Variants in VPS45 observed in about 807,000 individuals in gnomAD.
VPS45 encodes the protein vacuolar protein sorting-associated protein 45.
In VPS45, 35 loss-of-function variants were observed where a neutral mutation model predicts 75.9. The ratio of observed to expected loss-of-function variants is 0.46; its 90% confidence interval spans 0.35 to 0.61. The LOEUF (loss-of-function observed/expected upper bound fraction) is 0.61, where lower values mean the gene tolerates loss of function less well. Ranked by LOEUF, VPS45 falls within the 20% of genes least tolerant of loss-of-function variation. VPS45 has a pLI of 0.00. For synonymous variants in VPS45, 220 were observed against 238.2 expected (o/e 0.92, Z 0.70); for missense variants, 559 against 685.9 (o/e 0.81, Z 2.07).
chr1:150,089,911 A>G (rs181343116), intron 10 of VPS45, among the ~76,000 whole-genome samples: 13 of 152,300 alleles, frequency 8.5e-5, no homozygotes, highest in African/African-American at 3.1e-4. Context: ...CTTAAGGATG[A>G]TGGTAGTGAA....
At position 150,119,508 on chromosome 1, in the gene VPS45, G is replaced by A. The variant is rs148237799; in HGVS notation, c.1625+8881G>A. On this transcript the variant is annotated intron_variant, in intron 14 of 14. Transcript: ENST00000644510. The stretch of plus-strand genomic sequence containing the variant: ...CAGCCTTGACCTCAAGAGCTCTGCA[G>A]CACAGAAGTAGCTTTTTGAGAGACT... Among the ~76,000 whole-genome samples the A allele has an allele frequency of 2.8e-3, 429 of 152,340 alleles. 1 individual carries two copies. The highest frequency in any genetic ancestry group is 0.027 in the Middle Eastern group (8 of 294).
chr1:150,081,475 A>G lies in VPS45; in HGVS notation c.821A>G (p.Asn274Ser), dbSNP rs2101534429. 6.3e-7 allele frequency: 1 copy of G among 1,595,302 alleles called. No individual in the cohort carries two copies. Among genetic ancestry groups the G allele is most frequent in the Non-Finnish European group, 8.5e-7 (1 of 1,175,698 alleles). Residue 274 changes from asparagine (N) to serine (S), a missense_variant and splice_region_variant, in exon 8 of 15, where the codon AAT becomes AGT. Physicochemically the swap from Asn to Ser is conservative, Grantham distance 46 (BLOSUM62 1). Coordinates refer to ENST00000644510, the MANE Select transcript of VPS45 (RefSeq NM_007259.5). ...LSAENDEFYA[N>S]NMYLNFAEIG... The stretch of plus-strand genomic sequence containing the variant: ...GCTGAAAATGATGAATTCTATGCTA[A>G]TGTAGGTGGTTTAAATTTTTTTAAA...
At chr1:150,117,960 T>A (rs1658027924) in intron 14 of VPS45, among the ~76,000 whole-genome samples, 1 of 152,044 alleles carries the variant, frequency 6.6e-6, no homozygotes, top group Admixed American at 6.6e-5. Flanking sequence ...AATACATGTT[T>A]TAGATGTGTT....
chr1:150,104,452 G>T (rs1177738379), intron 13 of VPS45, among the ~76,000 whole-genome samples: 1 of 152,138 alleles, frequency 6.6e-6, no homozygotes, highest in African/African-American at 2.4e-5. Context: ...CTTTGCTATT[G>T]TATATAGTGC....
intron 14 of VPS45, among the ~76,000 whole-genome samples, chr1:150,118,099 A>G (rs1658034805): frequency 1.3e-5 from 2 of 151,796 alleles, no homozygotes; most frequent in Non-Finnish European, 2.9e-5. Flanking sequence ...CCTGCCCAAC[A>G]TGGTGAAACC....
chr1:150,093,767 A>G, intron 13 of VPS45, 119 bp downstream of exon 13: 1 of 1,312,948 alleles, frequency 7.6e-7, no homozygotes. Flanking sequence ...TCTTCTGTTA[A>G]GATTCTTTTG....
intron 13 of VPS45, among the ~76,000 whole-genome samples, chr1:150,107,757 C>G (rs1657409910): frequency 6.6e-6 from 1 of 152,136 alleles, no homozygotes; most frequent in African/African-American, 2.4e-5. Flanking sequence ...AAAAAGTAGT[C>G]TGGCATGGTG....
intron 13 of VPS45, among the ~76,000 whole-genome samples, chr1:150,100,978 A>G (rs1373643936): frequency 1.3e-5 from 2 of 152,230 alleles, no homozygotes; most frequent in African/African-American, 2.4e-5. Flanking sequence ...TCCAGCATCT[A>G]TAAAGAACTT....
intron 4 of VPS45, chr1:150,076,513 G>C (rs1397083122): frequency 2.1e-6 from 1 of 483,576 alleles, no homozygotes; most frequent in East Asian, 3.4e-5. Context: ...GATGTGATAG[G>C]TGATAAATGA....
At chr1:150,136,184 G>T (rs984732085) in intron 14 of VPS45, among the ~76,000 whole-genome samples, 5 of 140,628 alleles carry the variant, frequency 3.6e-5, no homozygotes, top group Middle Eastern at 4.4e-3. Context: ...GGGAGGCAGG[G>T]ATTGCAGTGA....
At chr1:150,103,025 TA>T (rs1657126920) in intron 13 of VPS45, among the ~76,000 whole-genome samples, 2 of 150,588 alleles carry the variant, frequency 1.3e-5, no homozygotes, top group Non-Finnish European at 2.9e-5. Context: ...TAAAAATTTT[TA>T]AAAAGAAATA....
At chr1:150,080,772 C>T (rs1571830378) in intron 7 of VPS45, among the ~76,000 whole-genome samples, 3 of 152,144 alleles carry the variant, frequency 2.0e-5, no homozygotes, top group Admixed American at 2.0e-4. Context: ...GACTGGAAAC[C>T]AGTCCTTCCT....
intron 10 of VPS45, among the ~76,000 whole-genome samples, chr1:150,086,299 T>A (rs1447693774): frequency 2.0e-5 from 3 of 152,070 alleles, no homozygotes; most frequent in South Asian, 2.1e-4. Flanking sequence ...GTTGTGAGAG[T>A]GCAATGAGCT....
chr1:150,143,445 C>G (rs115611531), intron 14 of VPS45, among the ~76,000 whole-genome samples: 3,746 of 152,100 alleles, frequency 0.025, 68 homozygotes, highest in Middle Eastern at 0.051. Flanking sequence ...AAAAATTAGC[C>G]AGCATGGTAG....
intron 10 of VPS45, among the ~76,000 whole-genome samples, chr1:150,090,161 C>T (rs1320216434): frequency 6.6e-6 from 1 of 152,266 alleles, no homozygotes; most frequent in Non-Finnish European, 1.5e-5. Context: ...CCCTTCAAGG[C>T]TCTTGCCAGC....
chr1:150,081,315 C>CT lies in VPS45; in HGVS notation c.688-18dup, dbSNP rs36004387. On this transcript the variant is annotated intron_variant, in intron 7 of 14. Coordinates refer to ENST00000644510, the MANE Select transcript of VPS45 (RefSeq NM_007259.5). ...ACTATTTCCATATTCTGTCAGTTAC[C>CT]TTTTTTTTTCATAATTCTTTATTTA... 1,037 of 1,524,492 alleles carry CT rather than the reference C, an allele frequency of 6.8e-4. 3 individuals carry two copies. Among genetic ancestry groups the CT allele is most frequent in the East Asian group, 5.2e-3 (215 of 41,256 alleles). 94.4% of individuals were successfully genotyped at this position (1,524,492 alleles called of 1,614,324 possible). A position where few individuals can be genotyped will look rare whatever the true frequency, so the allele number is the denominator to read the frequency against.
At chr1:150,092,468 G>C in intron 12 of VPS45, 59 bp downstream of exon 12, 1 of 1,365,872 alleles carries the variant, frequency 7.3e-7, no homozygotes, top group Non-Finnish European at 1.0e-6. Context: ...TTGAGGCTGA[G>C]AGTGAATGAA....
intron 14 of VPS45, among the ~76,000 whole-genome samples, chr1:150,133,474 A>G (rs1372355586): frequency 3.9e-5 from 6 of 152,268 alleles, no homozygotes; most frequent in African/African-American, 1.4e-4. Flanking sequence ...GAATCCTTTG[A>G]ACCAGGGAGG....
At chr1:150,112,985 G>C (rs587690341) in intron 14 of VPS45, among the ~76,000 whole-genome samples, 1 of 152,170 alleles carries the variant, frequency 6.6e-6, no homozygotes, top group South Asian at 2.1e-4. Flanking sequence ...ACCTTGATAC[G>C]TTCACCAACC....
Sources: allele counts gnomAD v4.1 joint callset (sites outside exome capture counted in the v4.1 genomes callset), GRCh38; gene constraint gnomAD v4.1.1; transcripts MANE v1.5; gene names NCBI Gene and HGNC (gene_info 2026-07-23, HGNC 2026-07-21).